KPNA3: variants seen among roughly 807,000 people sequenced by gnomAD.
KPNA3 encodes the protein importin subunit alpha-4.
Under a neutral mutation model 73.8 loss-of-function variants are expected in KPNA3, and 13 were observed. That is an observed-to-expected ratio of 0.18 (90% CI 0.11 to 0.28). KPNA3 has a LOEUF of 0.28. Among genes scored for constraint, KPNA3 ranks in the 10% least tolerant of loss-of-function variants. The pLI, the probability that KPNA3 is intolerant of heterozygous loss-of-function variation, is 1.00. For synonymous variants in KPNA3, 186 were observed against 206.9 expected (o/e 0.90, Z 0.87); for missense variants, 360 against 618.1 (o/e 0.58, Z 4.43).
rs1954146929 is a variant in KPNA3, at chr13:49,701,459, T to C, written c.*341A>G. On this transcript the variant is annotated 3_prime_UTR_variant, in exon 17 of 17. Coordinates refer to ENST00000261667, the MANE Select transcript of KPNA3 (RefSeq NM_002267.4). ...CACAGCGCACCATTTTCCAAAGGAG[T>C]ATCAGTGGGCAGCTGACATGTCACC... The C allele has an allele frequency of 4.2e-6, 2 of 480,814 alleles. No individual in the cohort carries two copies. Among genetic ancestry groups the C allele is most frequent in the Non-Finnish European group, 8.6e-6 (2 of 233,760 alleles). The allele number at this position is 480,814 out of a possible 1,614,324, so 29.8% of individuals were successfully genotyped here. A position where few individuals can be genotyped will look rare whatever the true frequency, so the allele number is the denominator to read the frequency against.
At chr13:49,722,232 C>G (rs1016482005) in intron 8 of KPNA3, 108 bp from the exon 9 acceptor site, 3 of 825,402 alleles carry the variant, frequency 3.6e-6, no homozygotes, top group Non-Finnish European at 5.5e-6. Context: ...GTTTCCTCAC[C>G]ATTAGTCAAA....
chr13:49,737,078 T>C (rs1043480941), intron 2 of KPNA3, among the ~76,000 whole-genome samples: 4 of 152,220 alleles, frequency 2.6e-5, no homozygotes, highest in African/African-American at 9.6e-5. Flanking sequence ...ACTGTAGACA[T>C]ATTACAGTAT....
rs191005984 is a variant in KPNA3 at position 49,755,223 on chromosome 13, A to C, written c.70-8230T>G. Among the ~76,000 whole-genome samples, 304 of 152,324 alleles carry C rather than the reference A, an allele frequency of 2.0e-3. 8 individuals carry two copies. Among genetic ancestry groups the C allele is most frequent in the Admixed American group, 0.019 (298 of 15,298 alleles). Reference sequence around the variant, plus strand: ...CTGTATTTGAAAATCAATCAATATAAACCATACTAATAGACTAATGAAGAC... The same window carrying C: ...CTGTATTTGAAAATCAATCAATATACACCATACTAATAGACTAATGAAGAC... On this transcript the variant is annotated intron_variant, in intron 1 of 16. Transcript: ENST00000261667.
chr13:49,761,070 A>G (rs917877307), intron 1 of KPNA3, among the ~76,000 whole-genome samples: 1 of 152,220 alleles, frequency 6.6e-6, no homozygotes, highest in Non-Finnish European at 1.5e-5. Flanking sequence ...CAAAAACAGT[A>G]TATGTTACTT....
chr13:49,736,524 T>C lies in KPNA3; in HGVS notation c.115-3478A>G, dbSNP rs369401357. Among the ~76,000 whole-genome samples the C allele has an allele frequency of 3.9e-5, 6 of 152,324 alleles. No individual in the cohort carries two copies. In the East Asian group the frequency reaches 1.2e-3, roughly 29 times the overall value. On this transcript the variant is annotated intron_variant, in intron 2 of 16. Transcript: ENST00000261667. ...GTAACTGAAATTTTTATTGAGATAA[T>C]TGTATATTCACATGCAGTTATAAGA...
intron 10 of KPNA3, among the ~76,000 whole-genome samples, chr13:49,717,674 A>C (rs1016386885): frequency 1.3e-5 from 2 of 152,224 alleles, no homozygotes; most frequent in African/African-American, 4.8e-5. Context: ...TTTGTAGATG[A>C]TGGAGATAAT....
intron 10 of KPNA3, among the ~76,000 whole-genome samples, chr13:49,716,152 G>A (rs1409097260): frequency 1.3e-5 from 2 of 152,104 alleles, no homozygotes; most frequent in African/African-American, 2.4e-5. Flanking sequence ...GCAAATACTT[G>A]TAGTCTCTAA....
Position 49,792,604 on chromosome 13 carries a change from G to A in KPNA3, c.-98C>T, listed in dbSNP as rs572197359. On this transcript the variant is annotated 5_prime_UTR_variant, in exon 1 of 17. Coordinates refer to ENST00000261667, the MANE Select transcript of KPNA3 (RefSeq NM_002267.4). Reference sequence around the variant, plus strand: ...GGGGAGGAGGGGGAGAGCGGGAGGGGGGAGGGGAGAGAAGAGCACGTTCTG... The same window carrying A: ...GGGGAGGAGGGGGAGAGCGGGAGGGAGGAGGGGAGAGAAGAGCACGTTCTG... 2.3e-5 allele frequency: 6 copies of A among 260,726 alleles called. No individual in the cohort carries two copies. The African/African-American group carries it at 2.4e-4, about 10-fold the overall frequency. The allele number at this position is 260,726 out of a possible 1,614,324, so 16.2% of individuals were successfully genotyped here. A position where few individuals can be genotyped will look rare whatever the true frequency, so the allele number is the denominator to read the frequency against.
intron 1 of KPNA3, among the ~76,000 whole-genome samples, chr13:49,756,816 C>T (rs576316042): frequency 6.6e-6 from 1 of 152,236 alleles, no homozygotes; most frequent in Admixed American, 6.5e-5. Flanking sequence ...AGATATATTA[C>T]ATAGTTACAG....
chr13:49,762,138 C>G (rs1310600435), intron 1 of KPNA3, among the ~76,000 whole-genome samples: 16 of 113,912 alleles, frequency 1.4e-4, no homozygotes, highest in Non-Finnish European at 1.5e-4. Context: ...CCAGCCTCCC[C>G]GTCCGGGAGG....
chr13:49,778,641 GTTTT>G (rs779997185), intron 1 of KPNA3, among the ~76,000 whole-genome samples: 1 of 152,088 alleles, frequency 6.6e-6, no homozygotes, highest in Non-Finnish European at 1.5e-5. Flanking sequence ...GAGAGCTTTT[GTTTT>G]TTTGTTGTTG....
chr13:49,746,689 A>G (rs1471664876), intron 2 of KPNA3, among the ~76,000 whole-genome samples: 1 of 152,244 alleles, frequency 6.6e-6, no homozygotes, highest in Non-Finnish European at 1.5e-5. Context: ...GGAAGCCCAC[A>G]GAAAGAGGAT....
In KPNA3 at chr13:49,792,425, G is replaced by A. The variant is rs560589166; in HGVS notation, c.69+13C>T. On this transcript the variant is annotated intron_variant, in intron 1 of 16. Coordinates refer to ENST00000261667, the MANE Select transcript of KPNA3 (RefSeq NM_002267.4). ...CGCGGCCAGGCGGGCCCAGACCGCG[G>A]AAGCACACTCACTTCCACATCGCGG... 8.0e-5 allele frequency: 124 copies of A among 1,559,002 alleles called. 1 individual carries two copies. The East Asian group carries it at 1.3e-3, about 17-fold the overall frequency.
At chr13:49,775,261 G>A (rs942361204) in intron 1 of KPNA3, among the ~76,000 whole-genome samples, 1 of 151,476 alleles carries the variant, frequency 6.6e-6, no homozygotes, top group Non-Finnish European at 1.5e-5. Flanking sequence ...TTATTACCAG[G>A]AGAGAAATAT....
In KPNA3 at chr13:49,711,021, A is replaced by G; in HGVS notation, c.773T>C (p.Ile258Thr). Reference protein sequence around the residue: ...CVLIYHTDINILVDTVWALSY... With the variant: ...CVLIYHTDINTLVDTVWALSY... ...CAGAGCCCAAACAGTGTCTACAAGA[A>G]TCTACAGGAAACACAAAAGAAAAAC... Residue 258 changes from isoleucine to threonine, a missense_variant and splice_region_variant, in exon 11 of 17, where the codon ATT becomes ACT. Ile to Thr is a moderately conservative substitution (Grantham distance 89). Transcript: ENST00000261667. 1.2e-6 allele frequency: 2 copies of G among 1,601,108 alleles called. No homozygotes were observed. The highest frequency in any genetic ancestry group is 1.7e-6 in the Non-Finnish European group (2 of 1,176,412).
intron 6 of KPNA3, among the ~76,000 whole-genome samples, chr13:49,731,853 C>T (rs1041654512): frequency 6.6e-6 from 1 of 152,166 alleles, no homozygotes; most frequent in African/African-American, 2.4e-5. Flanking sequence ...AACCTGTCCC[C>T]TTATTCTTAA....
At chr13:49,756,378 G>A (rs9535325) in intron 1 of KPNA3, among the ~76,000 whole-genome samples, 31,331 of 152,090 alleles carry the variant, frequency 0.21, 3,599 homozygotes, top group Middle Eastern at 0.27. Flanking sequence ...CATACATAGC[G>A]AGACTCAGCT....
intron 2 of KPNA3, among the ~76,000 whole-genome samples, chr13:49,733,890 C>G (rs1030646100): frequency 6.6e-6 from 1 of 152,214 alleles, no homozygotes; most frequent in South Asian, 2.1e-4. Context: ...CACCAACCAA[C>G]CCTGTCAGCT....
chr13:49,770,834 CAAA>C (rs759842886), intron 1 of KPNA3, among the ~76,000 whole-genome samples: 2 of 85,468 alleles, frequency 2.3e-5, no homozygotes, highest in African/African-American at 8.9e-5. Context: ...ACCCACCTAC[CAAA>C]AAAAAAAAAA....
Sources: allele counts gnomAD v4.1 joint callset (sites outside exome capture counted in the v4.1 genomes callset), GRCh38; gene constraint gnomAD v4.1.1; transcripts MANE v1.5; gene names NCBI Gene and HGNC (gene_info 2026-07-23, HGNC 2026-07-21).